Variants in LRRC4C observed in about 807,000 individuals in gnomAD.
LRRC4C encodes the protein leucine-rich repeat-containing protein 4C.
In LRRC4C, 5 loss-of-function variants were observed where a neutral mutation model predicts 33.6. The ratio of observed to expected loss-of-function variants is 0.15; its 90% CI spans 0.08 to 0.31. The LOEUF is 0.31. Ranked by LOEUF, LRRC4C falls within the 10% of genes least tolerant of loss-of-function variation. LRRC4C has a pLI of 1.00. For synonymous variants in LRRC4C, 329 were observed against 302.0 expected (o/e 1.09, Z -0.93); for missense variants, 560 against 796.7 (o/e 0.70, Z 3.58).
At chr11:41,164,891 T>C (rs1236202082) in intron 1 of LRRC4C, among the ~76,000 whole-genome samples, 1 of 152,132 alleles carries the variant, frequency 6.6e-6, no homozygotes, top group Non-Finnish European at 1.5e-5. Context: ...GTGGCTTGGA[T>C]AGAATCCAGG....
At chr11:40,837,152 T>A (rs1181307416) in intron 2 of LRRC4C, among the ~76,000 whole-genome samples, 1 of 152,192 alleles carries the variant, frequency 6.6e-6, no homozygotes. Flanking sequence ...CACTTATGAA[T>A]TAAAGGTCTT....
chr11:40,406,100 C>T (rs923134336), intron 3 of LRRC4C, among the ~76,000 whole-genome samples: 1 of 152,100 alleles, frequency 6.6e-6, no homozygotes, highest in African/African-American at 2.4e-5. Flanking sequence ...GCTAGTCCAA[C>T]TTTATTCAAA....
intron 5 of LRRC4C, among the ~76,000 whole-genome samples, chr11:40,169,091 A>G (rs867216940): frequency 6.6e-6 from 1 of 152,210 alleles, no homozygotes; most frequent in Non-Finnish European, 1.5e-5. Flanking sequence ...ACGAATGAGT[A>G]TGCACTCTCA....
At chr11:41,075,060 T>TTTTA (rs1555064937) in intron 1 of LRRC4C, among the ~76,000 whole-genome samples, 1 of 80,596 alleles carries the variant, frequency 1.2e-5, no homozygotes, top group Admixed American at 1.2e-4. Flanking sequence ...TTTTTTTTTT[T>TTTTA]TTATTATACT....
At chr11:40,235,775 A>T (rs759280554) in intron 5 of LRRC4C, among the ~76,000 whole-genome samples, 1 of 152,258 alleles carries the variant, frequency 6.6e-6, no homozygotes, top group African/African-American at 2.4e-5. Flanking sequence ...TACCAAACCC[A>T]AGAAGAAAAT....
chr11:40,394,858 A>C (rs536280967), intron 3 of LRRC4C, among the ~76,000 whole-genome samples: 1 of 151,740 alleles, frequency 6.6e-6, no homozygotes, highest in African/African-American at 2.4e-5. Flanking sequence ...TACGATTTTC[A>C]GAAATGTAAT....
At chr11:41,304,708 C>T (rs552308381) in intron 1 of LRRC4C, among the ~76,000 whole-genome samples, 1,622 of 71,922 alleles carry the variant, frequency 0.023, 263 homozygotes, top group Non-Finnish European at 0.032. Context: ...CCACCCCGTC[C>T]GGGAGGGAGG....
chr11:40,186,992 C>T (rs1861454795), intron 5 of LRRC4C, among the ~76,000 whole-genome samples: 1 of 152,302 alleles, frequency 6.6e-6, no homozygotes, highest in African/African-American at 2.4e-5. Context: ...GCAACTGCTG[C>T]CACTGACACA....
chr11:40,879,034 A>G (rs1315492305), intron 2 of LRRC4C, among the ~76,000 whole-genome samples: 1 of 152,144 alleles, frequency 6.6e-6, no homozygotes, highest in African/African-American at 2.4e-5. Flanking sequence ...TTCATGACGG[A>G]CATCTTTAAA....
chr11:40,864,587 G>C (rs997516406), intron 2 of LRRC4C, among the ~76,000 whole-genome samples: 2 of 152,124 alleles, frequency 1.3e-5, no homozygotes, highest in Admixed American at 1.3e-4. Flanking sequence ...GTATAGCTAA[G>C]GCAAGATTGA....
chr11:41,139,238 C>T (rs1239079650), intron 1 of LRRC4C, among the ~76,000 whole-genome samples: 9 of 152,064 alleles, frequency 5.9e-5, no homozygotes, highest in Non-Finnish European at 1.3e-4. Flanking sequence ...CCAATGGGAA[C>T]AACAGTCACA....
At position 40,469,220 on chromosome 11, in the gene LRRC4C, C is replaced by T. The variant is rs1386444335; in HGVS notation, c.-269-149499G>A. Reference sequence around the variant, plus strand: ...AGGACTGGTTAGACAGTGGGTGCAGCCCACGGAGGGCGAGCTGAAGCAGGG... The same window carrying T: ...AGGACTGGTTAGACAGTGGGTGCAGTCCACGGAGGGCGAGCTGAAGCAGGG... On this transcript the variant is annotated intron_variant, in intron 3 of 6. Transcript: ENST00000528697. Among the ~76,000 whole-genome samples the T allele has an allele frequency of 2.0e-4, 30 of 152,168 alleles. 1 individual carries two copies. Among genetic ancestry groups the T allele is most frequent in the Admixed American group, 1.8e-3 (28 of 15,282 alleles).
At chr11:41,269,641 A>G (rs1490168629) in intron 1 of LRRC4C, among the ~76,000 whole-genome samples, 1 of 152,056 alleles carries the variant, frequency 6.6e-6, no homozygotes, top group African/African-American at 2.4e-5. Flanking sequence ...TCTGGTGCCA[A>G]TTGTGGGAGC....
At chr11:40,769,116 T>C (rs543631560) in intron 2 of LRRC4C, among the ~76,000 whole-genome samples, 148 of 152,138 alleles carry the variant, frequency 9.7e-4, no homozygotes, top group African/African-American at 3.5e-3. Context: ...TTATAACTGA[T>C]AAATAATTCA....
chr11:40,727,768 G>C (rs12795004), intron 2 of LRRC4C, among the ~76,000 whole-genome samples: 56,215 of 151,930 alleles, frequency 0.37, 10,702 homozygotes, highest in Non-Finnish European at 0.39. Context: ...GACATACAAG[G>C]CTGGGTGCGA....
chr11:40,347,833 C>T (rs1174884418), intron 3 of LRRC4C, among the ~76,000 whole-genome samples: 1 of 152,170 alleles, frequency 6.6e-6, no homozygotes, highest in African/African-American at 2.4e-5. Flanking sequence ...GCCTCAGACT[C>T]CCAACCTCAG....
At chr11:41,285,383 T>A (rs1049676957) in intron 1 of LRRC4C, among the ~76,000 whole-genome samples, 2 of 152,238 alleles carry the variant, frequency 1.3e-5, no homozygotes, top group Non-Finnish European at 2.9e-5. Flanking sequence ...CAAGCATGAT[T>A]TATTTTTTAA....
rs551238368 is a variant in LRRC4C, at chr11:41,137,477, G to C, written c.-495-203754C>G. Among the ~76,000 whole-genome samples the C allele has an allele frequency of 1.1e-4, 17 of 152,148 alleles. 1 individual carries two copies. Among genetic ancestry groups the C allele is most frequent in the East Asian group, 7.7e-4 (4 of 5,166 alleles). On this transcript the variant is annotated intron_variant, in intron 1 of 6. Coordinates refer to ENST00000528697, the MANE Select transcript of LRRC4C (RefSeq NM_001258419.2). The stretch of plus-strand genomic sequence containing the variant: ...CTATGAATAGCATGGTATGAAAACT[G>C]TTTTCTCTATGATAATGCATATGCT...
intron 2 of LRRC4C, among the ~76,000 whole-genome samples, chr11:40,857,492 G>A (rs1217760267): frequency 6.6e-6 from 1 of 152,102 alleles, no homozygotes; most frequent in African/African-American, 2.4e-5. Flanking sequence ...TTATCTGAAT[G>A]AAAGTTATAG....
Sources: allele counts gnomAD v4.1 joint callset (sites outside exome capture counted in the v4.1 genomes callset), GRCh38; gene constraint gnomAD v4.1.1; transcripts MANE v1.5; gene names NCBI Gene and HGNC (gene_info 2026-07-23, HGNC 2026-07-21).